Variants in GARRE1 observed in about 807,000 individuals in gnomAD.
GARRE1 encodes the protein granule associated Rac and RHOG effector 1, also known as granule associated Rac and RHOG effector protein 1.
In GARRE1, 49 loss-of-function variants were observed where a neutral mutation model predicts 103.2. That is an observed-to-expected ratio of 0.47 (90% CI 0.38 to 0.60). The LOEUF (loss-of-function observed/expected upper bound fraction) is 0.60, where lower values mean the gene tolerates loss of function less well. Among genes scored for constraint, GARRE1 ranks in the 20% least tolerant of loss-of-function variants. GARRE1 has a pLI of 0.00. For synonymous variants in GARRE1, 505 were observed against 532.8 expected, an observed-to-expected ratio of 0.95 and a Z score of 0.72; for missense variants, 1,199 against 1,370.5, an observed-to-expected ratio of 0.87 and a Z score of 1.98.
chr19:34,267,772 G>T (rs1229485873), intron 1 of GARRE1, among the ~76,000 whole-genome samples: 2 of 147,670 alleles, frequency 1.4e-5, no homozygotes, highest in African/African-American at 2.5e-5. Context: ...TTGCTTTGTG[G>T]TTTTTTTGTT....
At chr19:34,260,662 T>G (rs1256147561) in intron 1 of GARRE1, among the ~76,000 whole-genome samples, 2 of 152,212 alleles carry the variant, frequency 1.3e-5, no homozygotes, top group Non-Finnish European at 2.9e-5. Context: ...ATGAAGTATT[T>G]GTTGAAGGAA....
At chr19:34,345,631 C>T (rs1021619627) in intron 10 of GARRE1, among the ~76,000 whole-genome samples, 23 of 152,252 alleles carry the variant, frequency 1.5e-4, no homozygotes, top group African/African-American at 4.8e-4. Context: ...ACCAGCCTGG[C>T]CAACATGGCG....
At chr19:34,302,494 A>G (rs965351894) in intron 2 of GARRE1, among the ~76,000 whole-genome samples, 1 of 151,378 alleles carries the variant, frequency 6.6e-6, no homozygotes, top group African/African-American at 2.4e-5. Flanking sequence ...GGGTTTCACC[A>G]TCTTGGCCAG....
intron 1 of GARRE1, among the ~76,000 whole-genome samples, chr19:34,279,773 C>A (rs2145221026): frequency 6.6e-6 from 1 of 151,806 alleles, no homozygotes; most frequent in South Asian, 2.1e-4. Context: ...ATCACGAGGT[C>A]AGGAGATTGA....
At chr19:34,254,819 G>A (rs932611398) in intron 1 of GARRE1, among the ~76,000 whole-genome samples, 5 of 149,762 alleles carry the variant, frequency 3.3e-5, no homozygotes, top group African/African-American at 1.2e-4. Context: ...CTTTGCGGGC[G>A]CTGGCCGGCC....
At chr19:34,266,404 C>T (rs1334176214) in intron 1 of GARRE1, among the ~76,000 whole-genome samples, 6 of 152,306 alleles carry the variant, frequency 3.9e-5, no homozygotes, top group Admixed American at 6.5e-5. Flanking sequence ...CTTTGTCACC[C>T]AGGCTGAAGT....
intron 2 of GARRE1, among the ~76,000 whole-genome samples, chr19:34,307,548 T>G: frequency 6.7e-6 from 1 of 148,588 alleles, no homozygotes; most frequent in East Asian, 1.9e-4. Context: ...ATGCCAGACA[T>G]ATATATAAAA....
At position 34,352,708 on chromosome 19, in the gene GARRE1, G is replaced by A. The variant is rs765410374; in HGVS notation, c.2966G>A (p.Ser989Asn). The change falls in exon 14 of 14, where the codon AGC becomes AAC. Residue 989 changes from serine to asparagine, a missense_variant. Ser to Asn is a conservative substitution (Grantham distance 46). Coordinates refer to ENST00000299505, the MANE Select transcript of GARRE1 (RefSeq NM_014686.5). ...TGGCAGCACCCTTCCCCGCTTCCCAGCACGCTGCCCAGCCCCAGCGCACCA... is the reference window on the plus strand; with the variant it reads ...TGGCAGCACCCTTCCCCGCTTCCCAACACGCTGCCCAGCCCCAGCGCACCA... ...APWQHPSPLP[S>N]TLPSPSAPLY... The A allele has an allele frequency of 4.3e-6, 7 of 1,614,022 alleles. No homozygotes were observed. The highest frequency in any genetic ancestry group is 3.3e-4 in the Middle Eastern group (2 of 6,060).
intron 2 of GARRE1, among the ~76,000 whole-genome samples, chr19:34,307,762 GTATA>G (rs1221514320): frequency 8.0e-6 from 1 of 125,698 alleles, no homozygotes; most frequent in Non-Finnish European, 1.6e-5. Flanking sequence ...TACATATATA[GTATA>G]TATATACTAT....
intron 1 of GARRE1, among the ~76,000 whole-genome samples, chr19:34,284,816 A>T (rs11671239): frequency 0.78 from 118,045 of 152,212 alleles, 46,407 homozygotes; most frequent in African/African-American, 0.83. Flanking sequence ...TTTTAGCCTG[A>T]CAGGCAGATA....
At chr19:34,283,564 A>G (rs1392183720) in intron 1 of GARRE1, among the ~76,000 whole-genome samples, 1 of 152,164 alleles carries the variant, frequency 6.6e-6, no homozygotes, top group Non-Finnish European at 1.5e-5. Flanking sequence ...AGTGGTTACT[A>G]TTATCCTTAT....
chr19:34,335,096 T>C (rs2074155209), intron 8 of GARRE1, among the ~76,000 whole-genome samples: 1 of 151,754 alleles, frequency 6.6e-6, no homozygotes, highest in Non-Finnish European at 1.5e-5. Context: ...TATTGTTAAA[T>C]TGTTTTAGAA....
intron 1 of GARRE1, among the ~76,000 whole-genome samples, chr19:34,275,815 T>C (rs929281286): frequency 5.3e-5 from 8 of 152,236 alleles, no homozygotes; most frequent in African/African-American, 1.9e-4. Context: ...TTTTCCAACA[T>C]GTCTGTACCA....
intron 2 of GARRE1, among the ~76,000 whole-genome samples, chr19:34,317,566 C>T (rs768502721): frequency 7.9e-5 from 12 of 152,188 alleles, no homozygotes; most frequent in Non-Finnish European, 1.6e-4. Flanking sequence ...CCTCAGCCTA[C>T]ACCAGTTAAG....
chr19:34,263,510 C>T (rs1426574964), intron 1 of GARRE1, among the ~76,000 whole-genome samples: 2 of 147,506 alleles, frequency 1.4e-5, no homozygotes, highest in Non-Finnish European at 3.0e-5. Context: ...CAGAGTCTTG[C>T]TCTGTTGCCT....
chr19:34,307,276 C>T (rs954509705), intron 2 of GARRE1, among the ~76,000 whole-genome samples: 17 of 152,126 alleles, frequency 1.1e-4, no homozygotes, highest in Non-Finnish European at 2.2e-4. Flanking sequence ...TAGTGAGCAG[C>T]GATGCCACTT....
chr19:34,307,770 A>G (rs2074016531), intron 2 of GARRE1, among the ~76,000 whole-genome samples: 1 of 137,952 alleles, frequency 7.2e-6, no homozygotes, highest in African/African-American at 2.7e-5. Flanking sequence ...TAGTATATAT[A>G]TACTATAAAA....
chr19:34,327,275 C>T, intron 3 of GARRE1, 146 bp from the exon 4 acceptor site: 1 of 661,660 alleles, frequency 1.5e-6, no homozygotes, highest in Non-Finnish European at 2.4e-6. Context: ...GCAATACAAA[C>T]AATCTAGAAC....
intron 10 of GARRE1, among the ~76,000 whole-genome samples, chr19:34,342,919 G>A (rs1599781720): frequency 6.6e-6 from 1 of 152,072 alleles, no homozygotes; most frequent in East Asian, 1.9e-4. Context: ...CTTCTCCTGG[G>A]CTAGACAATG....
Sources: allele counts gnomAD v4.1 joint callset (sites outside exome capture counted in the v4.1 genomes callset), GRCh38; gene constraint gnomAD v4.1.1; transcripts MANE v1.5; gene names NCBI Gene and HGNC (gene_info 2026-07-23, HGNC 2026-07-21).